Variants in NEGR1 observed in about 807,000 individuals in gnomAD.
NEGR1 encodes the protein neuronal growth regulator 1, also known as IgLON family member 4.
Under a neutral mutation model 40.9 loss-of-function variants are expected in NEGR1, and 10 were observed. The ratio of observed to expected loss-of-function variants is 0.24; its 90% confidence interval spans 0.15 to 0.42. The LOEUF (loss-of-function observed/expected upper bound fraction) is 0.42. NEGR1 is among the 10% of genes least tolerant of loss of function. NEGR1 has a pLI of 1.00. For synonymous variants in NEGR1, 185 were observed against 166.8 expected (o/e 1.11, Z -0.84); for missense variants, 352 against 438.9 (o/e 0.80, Z 1.77).
chr1:71,704,170 C>A (rs900231652), intron 3 of NEGR1, among the ~76,000 whole-genome samples: 1 of 135,114 alleles, frequency 7.4e-6, no homozygotes, highest in Non-Finnish European at 1.5e-5. Context: ...CTGTCACACA[C>A]ACACACACAC....
At chr1:71,655,929 T>C (rs1184388675) in intron 4 of NEGR1, among the ~76,000 whole-genome samples, 3 of 152,214 alleles carry the variant, frequency 2.0e-5, no homozygotes, top group Non-Finnish European at 4.4e-5. Flanking sequence ...ACAATAAGTG[T>C]CATTGTTATT....
chr1:71,592,954 T>C lies in NEGR1; in HGVS notation c.803A>G (p.Gln268Arg). The C allele has an allele frequency of 6.2e-7, 1 of 1,611,474 alleles. No homozygotes were observed. Among genetic ancestry groups the C allele is most frequent in the Non-Finnish European group, 8.5e-7 (1 of 1,177,734 alleles). Reference protein sequence around the residue: ...YKGEKKLFNGQQGIIIQNFST... With the variant: ...YKGEKKLFNGRQGIIIQNFST... ...AAAATTTTGAATAATAATTCCTTGTTGGCCATTGAAGAGCCTAGAAGACAA... is the reference window on the plus strand; with the variant it reads ...AAAATTTTGAATAATAATTCCTTGTCGGCCATTGAAGAGCCTAGAAGACAA... Residue 268 changes from glutamine (Q) to arginine (R), a missense_variant, in exon 6 of 7, where the codon CAA becomes CGA. Gln to Arg is a conservative substitution (Grantham distance 43, BLOSUM62 1). Around this residue, in one of 5 missense-constraint regions of NEGR1, gnomAD observed 184 missense variants for 208.7 expected, o/e 0.88. Transcript: ENST00000357731.
intron 1 of NEGR1, among the ~76,000 whole-genome samples, chr1:72,007,666 A>G (rs1417497758): frequency 6.6e-6 from 1 of 152,194 alleles, no homozygotes; most frequent in African/African-American, 2.4e-5. Context: ...GAACTAGTTA[A>G]AAAAAATCAT....
At chr1:71,417,357 A>G (rs1646363134) in intron 6 of NEGR1, among the ~76,000 whole-genome samples, 1 of 151,984 alleles carries the variant, frequency 6.6e-6, no homozygotes, top group South Asian at 2.1e-4. Context: ...ATGAGGTTTT[A>G]CTATAGAGCT....
At chr1:71,478,004 C>A (rs1646832647) in intron 6 of NEGR1, among the ~76,000 whole-genome samples, 2 of 151,904 alleles carry the variant, frequency 1.3e-5, no homozygotes, top group African/African-American at 2.4e-5. Context: ...TCAGTGTTTT[C>A]TTTCCCAATA....
intron 6 of NEGR1, among the ~76,000 whole-genome samples, chr1:71,505,740 G>A (rs543655275): frequency 7.0e-4 from 107 of 152,292 alleles, no homozygotes; most frequent in Middle Eastern, 3.4e-3. Flanking sequence ...CAACAGTACC[G>A]CTGGACTGTG....
chr1:71,529,389 G>C (rs542782044), intron 6 of NEGR1, among the ~76,000 whole-genome samples: 1 of 151,246 alleles, frequency 6.6e-6, no homozygotes, highest in South Asian at 2.1e-4. Flanking sequence ...ATTTAATCTA[G>C]ATTGGGAAGT....
intron 4 of NEGR1, among the ~76,000 whole-genome samples, chr1:71,628,843 T>C (rs1005540186): frequency 3.3e-5 from 5 of 152,178 alleles, no homozygotes; most frequent in African/African-American, 1.2e-4. Flanking sequence ...GTTCCAAGTC[T>C]TTACTATTGT....
intron 4 of NEGR1, among the ~76,000 whole-genome samples, chr1:71,623,128 CA>C (rs1473902581): frequency 6.6e-6 from 1 of 151,618 alleles, no homozygotes; most frequent in Admixed American, 6.6e-5. Flanking sequence ...AGAAAGCTTT[CA>C]GGATCTAGAA....
intron 2 of NEGR1, among the ~76,000 whole-genome samples, chr1:71,934,744 G>A (rs1479078436): frequency 1.3e-5 from 2 of 152,056 alleles, no homozygotes; most frequent in Non-Finnish European, 2.9e-5. Context: ...CTTTATCTTT[G>A]TAAGTAGGGA....
In NEGR1 at chr1:71,522,023, G is replaced by A. The variant is rs1220898784; in HGVS notation, c.940+70794C>T. Among the ~76,000 whole-genome samples, 3 of 152,026 alleles carry A rather than the reference G, an allele frequency of 2.0e-5. No homozygotes were observed. In the South Asian group the frequency reaches 6.2e-4, roughly 32 times the overall value. ...AAATAAAATGAGTAATGAACTGAAA[G>A]CCTTTGAAAGCCACAAAGGCAAAAA... On this transcript the variant is annotated intron_variant, in intron 6 of 6. Transcript: ENST00000357731.
At chr1:71,651,792 C>T (rs1431775874) in intron 4 of NEGR1, among the ~76,000 whole-genome samples, 1 of 152,086 alleles carries the variant, frequency 6.6e-6, no homozygotes, top group Non-Finnish European at 1.5e-5. Flanking sequence ...ATCAACTAAA[C>T]ACTTACTAGG....
At chr1:72,012,858 C>G (rs199507503) in intron 1 of NEGR1, among the ~76,000 whole-genome samples, 2 of 95,310 alleles carry the variant, frequency 2.1e-5, no homozygotes, top group Non-Finnish European at 4.3e-5. Context: ...TATATATATA[C>G]ACACACACAT....
At chr1:71,950,987 T>G (rs1313177328) in intron 1 of NEGR1, among the ~76,000 whole-genome samples, 1 of 151,986 alleles carries the variant, frequency 6.6e-6, no homozygotes, top group Non-Finnish European at 1.5e-5. Context: ...ATCATATGTG[T>G]GTCTTCAGGA....
intron 5 of NEGR1, among the ~76,000 whole-genome samples, chr1:71,608,163 A>G (rs1650129465): frequency 6.6e-6 from 1 of 152,202 alleles, no homozygotes; most frequent in African/African-American, 2.4e-5. Context: ...ATATTTGAGA[A>G]TTTGAGTATT....
At chr1:71,967,053 G>T (rs74088782) in intron 1 of NEGR1, among the ~76,000 whole-genome samples, 3,824 of 152,172 alleles carry the variant, frequency 0.025, 106 homozygotes, top group African/African-American at 0.068. Context: ...AGCTACATTT[G>T]TTTCCATTTT....
chr1:71,486,542 T>C (rs1345682893), intron 6 of NEGR1: 4 of 151,554 alleles, frequency 2.6e-5, no homozygotes, highest in Non-Finnish European at 4.4e-5. Flanking sequence ...AAGGTGACAA[T>C]TAGGTTCAAA....
intron 2 of NEGR1, among the ~76,000 whole-genome samples, chr1:71,854,601 A>G (rs919284482): frequency 6.6e-6 from 1 of 152,100 alleles, no homozygotes; most frequent in Non-Finnish European, 1.5e-5. Context: ...TAAATAAAAG[A>G]GGTTGAATTG....
chr1:72,142,749 G>GTTTT (rs1362822482), intron 1 of NEGR1, among the ~76,000 whole-genome samples: 4 of 150,900 alleles, frequency 2.7e-5, no homozygotes, highest in African/African-American at 9.7e-5. Context: ...TTTAGTTTTT[G>GTTTT]TTTTTTTGTT....
Sources: gnomAD v4.1 joint callset for allele counts (sites outside exome capture counted in the v4.1 genomes callset) on GRCh38, gnomAD v4.1.1 for gene constraint, gnomAD v4.1.1 regional missense constraint, MANE v1.5 for transcripts, NCBI Gene and HGNC (gene_info 2026-07-23, HGNC 2026-07-21) for gene names.